EXOC2: variants seen among roughly 807,000 people sequenced by gnomAD.
EXOC2 encodes the protein SEC5-like 1.
In EXOC2, 70 loss-of-function variants were observed where a neutral mutation model predicts 131.8. The ratio of observed to expected loss-of-function variants is 0.53; its 90% CI spans 0.44 to 0.65. EXOC2 has a LOEUF of 0.65. Among genes scored for constraint, EXOC2 ranks in the 30% least tolerant of loss-of-function variants. EXOC2 has a pLI of 0.00. For synonymous variants in EXOC2, 411 were observed against 398.4 expected, an observed-to-expected ratio of 1.03 and a Z score of -0.38; for missense variants, 923 against 1,108.6, an observed-to-expected ratio of 0.83 and a Z score of 2.38.
At chr6:620,148 C>T (rs1761209533) in intron 4 of EXOC2, among the ~76,000 whole-genome samples, 1 of 152,222 alleles carries the variant, frequency 6.6e-6, no homozygotes. Context: ...ATGTTTAAGA[C>T]TGACTTCTGG....
At chr6:630,026 C>T (rs1043741921) in intron 3 of EXOC2, 65 bp from the exon 4 acceptor site, 2 of 1,570,262 alleles carry the variant, frequency 1.3e-6, no homozygotes, top group African/African-American at 1.4e-5. Flanking sequence ...CTACGTCTGG[C>T]CTATTGTCTG....
At chr6:539,418 C>T (rs1014697345) in intron 22 of EXOC2, among the ~76,000 whole-genome samples, 1 of 152,194 alleles carries the variant, frequency 6.6e-6, no homozygotes, top group Non-Finnish European at 1.5e-5. Context: ...AGCCAGTGCT[C>T]CCAATAAGCC....
chr6:500,667 A>G (rs1000558343), intron 23 of EXOC2, among the ~76,000 whole-genome samples: 1 of 152,174 alleles, frequency 6.6e-6, no homozygotes, highest in African/African-American at 2.4e-5. Context: ...TGTGTTTCCA[A>G]AACAATTCCT....
At chr6:533,707 G>C (rs75494154) in intron 22 of EXOC2, among the ~76,000 whole-genome samples, 5 of 152,092 alleles carry the variant, frequency 3.3e-5, no homozygotes, top group East Asian at 1.9e-4. Flanking sequence ...AGAAGAAGAG[G>C]GGGGAGGCAG....
intron 1 of EXOC2, among the ~76,000 whole-genome samples, chr6:672,744 G>C (rs564322046): frequency 6.6e-6 from 1 of 152,254 alleles, no homozygotes; most frequent in African/African-American, 2.4e-5. Flanking sequence ...AAGGGAAGTT[G>C]CTGATTTTCA....
intron 23 of EXOC2, among the ~76,000 whole-genome samples, chr6:513,750 A>G (rs1764982372): frequency 6.6e-6 from 1 of 152,230 alleles, no homozygotes; most frequent in African/African-American, 2.4e-5. Context: ...TTTGATTATT[A>G]GTATGTGATA....
chr6:674,759 A>G (rs1764033109), intron 1 of EXOC2, among the ~76,000 whole-genome samples: 1 of 151,846 alleles, frequency 6.6e-6, no homozygotes, highest in African/African-American at 2.4e-5. Flanking sequence ...GTGCTTTATG[A>G]TGCTTTGACA....
At chr6:630,853 G>C (rs562186001) in intron 3 of EXOC2, among the ~76,000 whole-genome samples, 35 of 152,302 alleles carry the variant, frequency 2.3e-4, no homozygotes, top group Admixed American at 5.9e-4. Context: ...TTCAAGGAAC[G>C]CATGGCTTGT....
intron 11 of EXOC2, among the ~76,000 whole-genome samples, chr6:587,106 C>A (rs534857792): frequency 1.2e-4 from 19 of 152,146 alleles, no homozygotes; most frequent in Non-Finnish European, 2.5e-4. Flanking sequence ...CCCTAGTCAA[C>A]AACAGTTGTA....
intron 23 of EXOC2, among the ~76,000 whole-genome samples, chr6:528,606 T>G (rs566168845): frequency 3.9e-5 from 6 of 152,232 alleles, no homozygotes; most frequent in Middle Eastern, 6.8e-3. Flanking sequence ...GCTGGTAGTA[T>G]GGTGCCATGT....
intron 11 of EXOC2, among the ~76,000 whole-genome samples, chr6:577,675 G>C (rs969529938): frequency 2.6e-5 from 4 of 152,266 alleles, no homozygotes; most frequent in Non-Finnish European, 4.4e-5. Flanking sequence ...AGTATTCAAA[G>C]AGCTTCAAAA....
intron 1 of EXOC2, among the ~76,000 whole-genome samples, chr6:692,130 G>C (rs911570768): frequency 6.6e-6 from 1 of 150,442 alleles, no homozygotes; most frequent in Non-Finnish European, 1.5e-5. Context: ...CACACAAAAA[G>C]ATTTAATTAA....
At chr6:525,732 T>G (rs1765700629) in intron 23 of EXOC2, among the ~76,000 whole-genome samples, 1 of 152,248 alleles carries the variant, frequency 6.6e-6, no homozygotes, top group Admixed American at 6.5e-5. Flanking sequence ...AGCATGCTCC[T>G]TCTTATCCCC....
At chr6:501,163 A>G (rs1404533613) in intron 23 of EXOC2, among the ~76,000 whole-genome samples, 1 of 43,740 alleles carries the variant, frequency 2.3e-5, no homozygotes, top group African/African-American at 7.9e-5. Flanking sequence ...ATATCTATAT[A>G]TATTATATAT....
chr6:579,381 G>A (rs1290309328), intron 11 of EXOC2, among the ~76,000 whole-genome samples: 1 of 152,024 alleles, frequency 6.6e-6, no homozygotes, highest in Non-Finnish European at 1.5e-5. Flanking sequence ...TCTATATCAG[G>A]AAAACAAAGG....
Position 550,997 on chromosome 6 carries a change from C to T in EXOC2, c.2122-1706G>A, listed in dbSNP as rs547449868. On this transcript the variant is annotated intron_variant, in intron 21 of 27. Transcript: ENST00000230449. Reference sequence around the variant, plus strand: ...AGCTATTTGAGTGATTTAAAGTCTTCCTCCTATAAGTACATTTGTTGCTCA... The same window carrying T: ...AGCTATTTGAGTGATTTAAAGTCTTTCTCCTATAAGTACATTTGTTGCTCA... Among the ~76,000 whole-genome samples, 9 of 152,280 alleles carry T rather than the reference C, an allele frequency of 5.9e-5. No homozygotes were observed. In the South Asian group the frequency reaches 1.5e-3, roughly 25 times the overall value.
chr6:529,416 T>G (rs974069420), intron 23 of EXOC2, among the ~76,000 whole-genome samples: 6 of 151,052 alleles, frequency 4.0e-5, no homozygotes, highest in Non-Finnish European at 5.9e-5. Context: ...AAGAAAAGTC[T>G]TCTTCTGCAT....
intron 4 of EXOC2, among the ~76,000 whole-genome samples, chr6:625,496 G>A (rs920915583): frequency 5.6e-5 from 8 of 144,120 alleles, no homozygotes; most frequent in Non-Finnish European, 7.6e-5. Context: ...GTTGTATTAC[G>A]TATTATAAGT....
At chr6:556,684 C>T in intron 17 of EXOC2, 120 bp from the exon 18 acceptor site, 1 of 1,036,364 alleles carries the variant, frequency 9.6e-7, no homozygotes, top group South Asian at 1.5e-5. Context: ...ATGGAACAGA[C>T]ACACGATCTG....
Sources: gnomAD v4.1 joint callset for allele counts (sites outside exome capture counted in the v4.1 genomes callset) on GRCh38, gnomAD v4.1.1 for gene constraint, MANE v1.5 for transcripts, NCBI Gene and HGNC (gene_info 2026-07-23, HGNC 2026-07-21) for gene names.